The following MED15 variants were observed in gnomAD, a reference collection of about 807,000 sequenced individuals.
MED15 encodes the protein mediator complex subunit 15, also known as mediator of RNA polymerase II transcription subunit 15.
Under a neutral mutation model 118.7 loss-of-function variants are expected in MED15, and 41 were observed. The observed-to-expected ratio is 0.35, with a 90% CI of 0.27 to 0.45. The LOEUF (loss-of-function observed/expected upper bound fraction) is 0.45, where lower values mean the gene tolerates loss of function less well. Among genes scored for constraint, MED15 ranks in the 20% least tolerant of loss-of-function variants. The pLI, the probability that MED15 is intolerant of heterozygous loss-of-function variation, is 1.00. For synonymous variants in MED15, 436 were observed against 413.9 expected (o/e 1.05, Z -0.65); for missense variants, 740 against 1,025.5 (o/e 0.72, Z 3.80).
intron 1 of MED15, 190 bp downstream of exon 1, chr22:20,507,936 T>C: frequency 6.9e-7 from 1 of 1,443,720 alleles, no homozygotes; most frequent in Non-Finnish European, 9.1e-7. Flanking sequence ...GCTCGTTTGC[T>C]TTCCTGGGGC....
rs182332805 is a variant in MED15, at chr22:20,572,312, G to A, written c.1153-2801G>A. ...TGCAGCTTTGTATGTATGAGCTGCC[G>A]CGTGCTGCGGAAACAGGCCTCTTGA... is the stretch of plus-strand genomic sequence containing the variant. On this transcript the variant is annotated intron_variant, in intron 8 of 17. Transcript: ENST00000263205. 4.6e-5 allele frequency among the ~76,000 whole-genome samples: 7 copies of A among 152,338 alleles called. No individual in the cohort carries two copies. The East Asian group carries it at 7.7e-4, about 17-fold the overall frequency.
At chr22:20,536,647 A>G (rs1427453191) in intron 1 of MED15, among the ~76,000 whole-genome samples, 2 of 152,210 alleles carry the variant, frequency 1.3e-5, no homozygotes. Context: ...GGAGGGACTG[A>G]GAGATGACTT....
rs2056367466 is a variant in MED15, at chr22:20,564,601, A to C, written c.603A>C (p.Gln201His). ...AQQSAMQQQF[Q>H]AVVQQQQQLQ... is the part of the protein sequence containing the mutation. ...AGAGTGCCATGCAGCAGCAGTTCCA[A>C]GCAGTAGTGCAGCAGCAGCAGCAGC... Residue 201 changes from glutamine (Q) to histidine (H), a missense_variant, in exon 6 of 18, where the codon CAA becomes CAC. Transcript: ENST00000263205. The C allele has an allele frequency of 1.2e-6, 2 of 1,610,642 alleles. No individual in the cohort carries two copies. Among genetic ancestry groups the C allele is most frequent in the African/African-American group, 1.3e-5 (1 of 74,664 alleles).
chr22:20,542,314 A>G (rs2055344687), intron 2 of MED15, among the ~76,000 whole-genome samples: 2 of 152,240 alleles, frequency 1.3e-5, no homozygotes, highest in South Asian at 4.1e-4. Context: ...AAAAATGGAA[A>G]CAACCCAAAT....
chr22:20,569,071 C>T (rs1453248110), intron 8 of MED15, among the ~76,000 whole-genome samples: 3 of 152,200 alleles, frequency 2.0e-5, no homozygotes, highest in Non-Finnish European at 1.5e-5. Flanking sequence ...TGGGAGAAGG[C>T]ATCCTGGTGC....
rs2055575471 is a variant in MED15 at position 20,547,153 on chromosome 22, A to G, written c.157-4283A>G. 2.6e-5 allele frequency among the ~76,000 whole-genome samples: 4 copies of G among 152,230 alleles called. No homozygotes were observed. The South Asian group carries it at 8.3e-4, about 31-fold the overall frequency. Reference sequence around the variant, plus strand: ...ACTTTAAAATCATTTCAGAATAAACAGTTTATATTACCACTGATAACAAAA... The same window carrying G: ...ACTTTAAAATCATTTCAGAATAAACGGTTTATATTACCACTGATAACAAAA... On this transcript the variant is annotated intron_variant, in intron 2 of 17. Transcript: ENST00000263205.
intron 2 of MED15, among the ~76,000 whole-genome samples, chr22:20,542,117 T>C (rs1016844446): frequency 7.9e-5 from 12 of 152,172 alleles, no homozygotes; most frequent in African/African-American, 2.7e-4. Context: ...TTCTCATACA[T>C]TGCTGGAGAG....
chr22:20,559,142 C>T (rs902471493), intron 5 of MED15, among the ~76,000 whole-genome samples: 6 of 151,792 alleles, frequency 4.0e-5, no homozygotes, highest in East Asian at 3.9e-4. Context: ...GGGGATAGAA[C>T]GAGACACCAT....
intron 2 of MED15, among the ~76,000 whole-genome samples, chr22:20,547,830 AAAATAAAT>A (rs201979426): frequency 2.6e-5 from 4 of 151,892 alleles, no homozygotes; most frequent in Non-Finnish European, 5.9e-5. Flanking sequence ...CTAAAAAATA[AAAATAAAT>A]AAATAAATAA....
intron 1 of MED15, among the ~76,000 whole-genome samples, chr22:20,514,301 T>C (rs1030567376): frequency 6.6e-6 from 1 of 152,230 alleles, no homozygotes; most frequent in African/African-American, 2.4e-5. Flanking sequence ...AGCCTGTCTC[T>C]GGGCTATAGG....
At chr22:20,539,048 A>G (rs528246601) in intron 2 of MED15, among the ~76,000 whole-genome samples, 2 of 152,280 alleles carry the variant, frequency 1.3e-5, no homozygotes, top group South Asian at 2.1e-4. Context: ...TTCACTTAGC[A>G]TAATATTTTC....
chr22:20,518,780 C>G (rs895210272), intron 1 of MED15: 5 of 426,944 alleles, frequency 1.2e-5, no homozygotes, highest in South Asian at 6.9e-5. Context: ...GCTGCCTAAA[C>G]CGTTCTGAAC....
At chr22:20,543,202 CTTTTTTTTTT>C (rs67565815) in intron 2 of MED15, among the ~76,000 whole-genome samples, 237 of 54,132 alleles carry the variant, frequency 4.4e-3, no homozygotes, top group African/African-American at 0.015. Context: ...TTTCATGTTG[CTTTTTTTTTT>C]TTTTTTTTTT....
chr22:20,525,223 G>A (rs1320290530), intron 1 of MED15, among the ~76,000 whole-genome samples: 2 of 152,040 alleles, frequency 1.3e-5, no homozygotes, highest in Non-Finnish European at 2.9e-5. Context: ...CCTAGGAGTC[G>A]GAGGCTGCAG....
At chr22:20,550,921 C>T (rs1014602711) in intron 2 of MED15, 4 of 351,318 alleles carry the variant, frequency 1.1e-5, no homozygotes, top group Non-Finnish European at 2.3e-5. Flanking sequence ...CAGATTCTCC[C>T]GGAAAGCGCA....
At chr22:20,553,005 T>C in intron 3 of MED15, 140 bp from the exon 4 acceptor site, 1 of 723,954 alleles carries the variant, frequency 1.4e-6, no homozygotes, top group Non-Finnish European at 2.3e-6. Flanking sequence ...TAGAAACACT[T>C]CCCCCAGTAG....
Position 20,586,657 on chromosome 22 carries a change from A to G in MED15, c.2320A>G (p.Asn774Asp), listed in dbSNP as rs763588636. The G allele has an allele frequency of 9.3e-6, 15 of 1,612,952 alleles. No homozygotes were observed. Among genetic ancestry groups the G allele is most frequent in the Middle Eastern group, 3.3e-4 (2 of 6,056 alleles). Residue 774 changes from asparagine to aspartate, a missense_variant, in exon 18 of 18, where the codon AAC becomes GAC. By Grantham distance (23) the Asn-to-Asp change is conservative (BLOSUM62 1). Coordinates refer to ENST00000263205, the MANE Select transcript of MED15 (RefSeq NM_001003891.3). ...PDKHSVTALL[N>D]TWAQSVHQAC... Reference sequence around the variant, plus strand: ...CAAGCACTCGGTCACCGCCTTGCTCAACACCTGGGCCCAGAGCGTCCACCA... The same window carrying G: ...CAAGCACTCGGTCACCGCCTTGCTCGACACCTGGGCCCAGAGCGTCCACCA...
Position 20,555,037 on chromosome 22 carries a change from G to C in MED15, c.340G>C (p.Gly114Arg), listed in dbSNP as rs1479527006. The change falls in exon 5 of 18, where the codon GGT (glycine) becomes CGT (arginine). Residue 114 changes from glycine (G) to arginine (R), a missense_variant. This residue lies in a region of MED15 where 117 missense variants were observed against 124.6 expected (regional missense o/e 0.94). Transcript: ENST00000263205. Reference sequence around the variant, plus strand: ...CCCGGGACAGTCTCTGGGCGGGATGGGTAGCCTTGGTGCCATGGGACAGCC... The same window carrying C: ...CCCGGGACAGTCTCTGGGCGGGATGCGTAGCCTTGGTGCCATGGGACAGCC... Reference protein sequence around the residue: ...RGPGQSLGGMGSLGAMGQPMS... With the variant: ...RGPGQSLGGMRSLGAMGQPMS... 1.9e-6 allele frequency: 3 copies of C among 1,612,742 alleles called. No homozygotes were observed. The highest frequency in any genetic ancestry group is 2.5e-6 in the Non-Finnish European group (3 of 1,179,992).
chr22:20,508,765 A>G (rs1174690447), intron 1 of MED15, among the ~76,000 whole-genome samples: 1 of 152,166 alleles, frequency 6.6e-6, no homozygotes, highest in African/African-American at 2.4e-5. Context: ...CAGTTACTTC[A>G]GGCCATCTGG....
Sources: allele counts gnomAD v4.1 joint callset (sites outside exome capture counted in the v4.1 genomes callset), GRCh38; gene constraint gnomAD v4.1.1; regional missense constraint gnomAD v4.1.1; transcripts MANE v1.5; gene names NCBI Gene and HGNC (gene_info 2026-07-23, HGNC 2026-07-21).